Variants in LCT observed in about 807,000 individuals in gnomAD.
LCT encodes the protein lactase.
Under a neutral mutation model 173.0 loss-of-function variants are expected in LCT, and 90 were observed. That is an observed-to-expected ratio of 0.52 (90% CI 0.44 to 0.62). The LOEUF (loss-of-function observed/expected upper bound fraction) is 0.62, where lower values mean the gene tolerates loss of function less well. LCT is among the 20% of genes least tolerant of loss of function. LCT has a pLI of 0.00. For synonymous variants in LCT, 853 were observed against 957.6 expected (o/e 0.89, Z 2.02); for missense variants, 1,864 against 2,431.4 (o/e 0.77, Z 4.91).
intron 6 of LCT, among the ~76,000 whole-genome samples, chr2:135,814,326 C>G (rs568633574): frequency 6.6e-6 from 1 of 152,068 alleles, no homozygotes; most frequent in Non-Finnish European, 1.5e-5. Context: ...CTAAATTAGC[C>G]AGTGTCAGGA....
At chr2:135,818,206 GA>G (rs2077797329) in intron 5 of LCT, 145 bp from the exon 6 acceptor site, 1 of 900,468 alleles carries the variant, frequency 1.1e-6, no homozygotes. Context: ...CCATGGGCAG[GA>G]AGTAACTGGC....
chr2:135,805,630 C>T (rs2077664706), intron 9 of LCT, among the ~76,000 whole-genome samples: 1 of 152,154 alleles, frequency 6.6e-6, no homozygotes, highest in African/African-American at 2.4e-5. Flanking sequence ...GAGCAAACTG[C>T]CTGCTTGGAA....
chr2:135,809,106 G>C lies in LCT; in HGVS notation c.3241C>G (p.Pro1081Ala). Residue 1081 changes from proline (P) to alanine (A), a missense_variant, in exon 8 of 17, where the codon CCA becomes GCA. Pro to Ala is a conservative substitution (Grantham distance 27). This residue lies in a region of LCT where 755 missense variants were observed against 926.3 expected (regional missense o/e 0.82). Coordinates refer to ENST00000264162, the MANE Select transcript of LCT (RefSeq NM_002299.4). The surrounding 1 kb of genome is among the most constrained non-coding windows in gnomAD (Gnocchi z 5.5). ...WLGYGSGEFP[P>A]GVKDPGWAPY... ...GCCCAGCCTGGGTCCTTCACCCCTG[G>C]GGGAAATTCCCCTGAGCCATAACCT... The C allele has an allele frequency of 6.2e-7, 1 of 1,614,090 alleles. No homozygotes were observed. The highest frequency in any genetic ancestry group is 8.5e-7 in the Non-Finnish European group (1 of 1,180,032).
At position 135,833,129 on chromosome 2, in the gene LCT, G is replaced by T; in HGVS notation, c.702C>A (p.Pro234=). The stretch of plus-strand genomic sequence containing the variant: ...CTGTCACCTGGGCAAGCGCAGATAT[G>T]GGTGGTTCTAGCAGGAGCTCCGGGA... The part of the protein sequence containing the change: ...EDIPELLLEP[P]ISALAQDTVD... Residue 234 remains proline, a synonymous_variant, in exon 2 of 17, where the codon CCC becomes CCA. Coordinates refer to ENST00000264162, the MANE Select transcript of LCT (RefSeq NM_002299.4). 1 of 1,613,718 alleles carries T rather than the reference G, an allele frequency of 6.2e-7. No individual in the cohort carries two copies. Among genetic ancestry groups the T allele is most frequent in the Non-Finnish European group, 8.5e-7 (1 of 1,179,714 alleles).
At chr2:135,803,152 AT>A (rs1279804946) in intron 11 of LCT, among the ~76,000 whole-genome samples, 1 of 152,150 alleles carries the variant, frequency 6.6e-6, no homozygotes, top group Admixed American at 6.6e-5. Flanking sequence ...ATACAAAAGA[AT>A]TTAGTGTATA....
In LCT at chr2:135,808,450, A is replaced by G. The variant is rs1473258185; in HGVS notation, c.3897T>C (p.Ala1299=). The G allele has an allele frequency of 1.9e-6, 3 of 1,612,962 alleles. No homozygotes were observed. The highest frequency in any genetic ancestry group is 1.3e-5 in the African/African-American group (1 of 75,040). ...AACTGAACCCTCACACACCTTTCAA[A>G]GCCTCATTGATGTAGGTTTTGTGGT... The part of the protein sequence containing the change: ...IFYHKTYINE[A]LKAYRLDGID... Residue 1299 remains alanine (A), a synonymous_variant, in exon 8 of 17, where the codon GCT becomes GCC. Transcript: ENST00000264162.
intron 3 of LCT, among the ~76,000 whole-genome samples, chr2:135,824,541 TA>T (rs1350663783): frequency 6.6e-6 from 1 of 152,034 alleles, no homozygotes; most frequent in Non-Finnish European, 1.5e-5. Context: ...ATCCTGTCTC[TA>T]AAAAAAATTT....
At position 135,823,925 on chromosome 2, in the gene LCT, T is replaced by A; in HGVS notation, c.883A>T (p.Ser295Cys). ...CCTTCAAAAAGGCTGAAGAGCAGAC[T>A]GGCTGGGTTCTTCATGGTGGAGGGG... ...DCPSTMKNPASLLFSLFEAIN... is the reference protein window; with the variant it reads ...DCPSTMKNPACLLFSLFEAIN... Residue 295 changes from serine to cysteine, a missense_variant, in exon 4 of 17, where the codon AGT becomes TGT. Physicochemically the swap from Ser to Cys is moderately radical, Grantham distance 112. This residue lies in a region of LCT where 412 missense variants were observed against 462.0 expected (regional missense o/e 0.89). Transcript: ENST00000264162. 1 of 1,613,448 alleles carries A rather than the reference T, an allele frequency of 6.2e-7. No individual in the cohort carries two copies. The highest frequency in any genetic ancestry group is 8.5e-7 in the Non-Finnish European group (1 of 1,179,328).
chr2:135,830,807 C>T (rs2077931384), intron 2 of LCT, among the ~76,000 whole-genome samples: 1 of 152,242 alleles, frequency 6.6e-6, no homozygotes, highest in Non-Finnish European at 1.5e-5. Flanking sequence ...TTCTGCACAA[C>T]ACATCGTCAC....
Position 135,817,462 on chromosome 2 carries a change from G to A in LCT, c.1586C>T (p.Thr529Ile). The A allele has an allele frequency of 6.2e-7, 1 of 1,614,180 alleles. No homozygotes were observed. The highest frequency in any genetic ancestry group is 2.2e-5 in the East Asian group (1 of 44,866). Residue 529 changes from threonine (T) to isoleucine (I), a missense_variant, in exon 6 of 17, where the codon ACA (threonine) becomes ATA (isoleucine). Around this residue, in one of 4 missense-constraint regions of LCT, gnomAD observed 183 missense variants for 293.1 expected, o/e 0.62. Transcript: ENST00000264162. The part of the protein sequence containing the change: ...FLDYAAFCFS[T>I]FGDRVKLWVT... Reference sequence around the variant, plus strand: ...CCACAGCTTCACACGGTCCCCAAATGTGGAGAAGCAGAAGGCCGCATAGTC... The same window carrying A: ...CCACAGCTTCACACGGTCCCCAAATATGGAGAAGCAGAAGGCCGCATAGTC...
chr2:135,818,575 C>T (rs543959330), intron 5 of LCT, among the ~76,000 whole-genome samples: 10 of 152,326 alleles, frequency 6.6e-5, no homozygotes, highest in African/African-American at 2.2e-4. Context: ...TGTGGTGGCT[C>T]ATGCCTGTAA....
intron 5 of LCT, among the ~76,000 whole-genome samples, chr2:135,819,719 A>G (rs182857439): frequency 4.5e-4 from 69 of 152,310 alleles, no homozygotes; most frequent in African/African-American, 1.6e-3. Context: ...CCCAAAACAT[A>G]TGCGACTGTG....
At chr2:135,825,847 C>T (rs891356318) in intron 3 of LCT, among the ~76,000 whole-genome samples, 3 of 152,200 alleles carry the variant, frequency 2.0e-5, no homozygotes, top group Non-Finnish European at 2.9e-5. Context: ...AGGAAGAGGC[C>T]CCTTCAAGGG....
chr2:135,833,491 G>A (rs1460466243), intron 1 of LCT, among the ~76,000 whole-genome samples: 1 of 147,054 alleles, frequency 6.8e-6, no homozygotes, highest in Non-Finnish European at 1.5e-5. Context: ...CCGTCGCCCA[G>A]GCTGGAGTGC....
rs138039236 is a variant in LCT at position 135,798,065 on chromosome 2, C to T, written c.4940G>A (p.Arg1647His). The T allele has an allele frequency of 2.3e-5, 37 of 1,612,884 alleles. No individual in the cohort carries two copies. The African/African-American group carries it at 2.7e-4, about 12-fold the overall frequency. ...GAGGCCTGCAGCCAAGCTCCTGTCACGGATCCGCGTCTTCATCACCTCATT... is the reference window on the plus strand; with the variant it reads ...GAGGCCTGCAGCCAAGCTCCTGTCATGGATCCGCGTCTTCATCACCTCATT... Reference protein sequence around the residue: ...DYNEVMKTRIRDRSLAAGLNK... With the variant: ...DYNEVMKTRIHDRSLAAGLNK... Residue 1647 changes from arginine (R) to histidine (H), a missense_variant, in exon 13 of 17, where the codon CGT becomes CAT. By Grantham distance (29) the Arg-to-His change is conservative (BLOSUM62 0). Coordinates refer to ENST00000264162, the MANE Select transcript of LCT (RefSeq NM_002299.4).
At position 135,788,135 on chromosome 2, in the gene LCT, A is replaced by G; in HGVS notation, c.*189T>C. On this transcript the variant is annotated 3_prime_UTR_variant, in exon 17 of 17. Transcript: ENST00000264162. ...CCCAAATGAACTCTGATACTGGAGC[A>G]AGATGGAGATATTTCCATTTTACTC... is the stretch of plus-strand genomic sequence containing the variant. 1 of 637,320 alleles carries G rather than the reference A, an allele frequency of 1.6e-6. No individual in the cohort carries two copies. Among genetic ancestry groups the G allele is most frequent in the Non-Finnish European group, 2.8e-6 (1 of 357,982 alleles). 39.5% of individuals were successfully genotyped at this position (637,320 alleles called of 1,614,324 possible). A position where few individuals can be genotyped will look rare whatever the true frequency, so the allele number is the denominator to read the frequency against.
chr2:135,811,938 C>T (rs984504484), intron 7 of LCT, among the ~76,000 whole-genome samples: 4 of 151,602 alleles, frequency 2.6e-5, no homozygotes, highest in South Asian at 2.1e-4. Context: ...AAATAAGCCA[C>T]GCATAGTGGT....
In LCT at chr2:135,808,863, C is replaced by A; in HGVS notation, c.3484G>T (p.Gly1162Ter). ...GWFAHPIFRN[G>*]DYPDTMKWKV... ...CACTTCATGGTGTCAGGATAGTCTC[C>A]GTTTCTAAAAATGGGGTGAGCAAAC... Residue 1162 changes from glycine to a stop codon, truncating the protein, a stop_gained, in exon 8 of 17, where the codon GGA becomes TGA. Coordinates refer to ENST00000264162, the MANE Select transcript of LCT (RefSeq NM_002299.4). LOFTEE classifies it high-confidence loss of function. 6.2e-7 allele frequency: 1 copy of A among 1,614,150 alleles called. No individual in the cohort carries two copies. The highest frequency in any genetic ancestry group is 1.3e-5 in the African/African-American group (1 of 75,014).
chr2:135,830,391 G>A (rs1385506527), intron 2 of LCT, among the ~76,000 whole-genome samples: 5 of 152,038 alleles, frequency 3.3e-5, no homozygotes, highest in Non-Finnish European at 5.9e-5. Flanking sequence ...CCAGTGCTGC[G>A]CTCCCCTCCA....
Sources: allele counts gnomAD v4.1 joint callset (sites outside exome capture counted in the v4.1 genomes callset), GRCh38; gene constraint gnomAD v4.1.1; regional missense constraint gnomAD v4.1.1; non-coding constraint Gnocchi (gnomAD v3.1); transcripts MANE v1.5; gene names NCBI Gene and HGNC (gene_info 2026-07-23, HGNC 2026-07-21).